ACP3: variants seen among roughly 807,000 people sequenced by gnomAD.
The protein encoded by ACP3 is prostatic acid phosphatase.
Under a neutral mutation model 45.6 loss-of-function variants are expected in ACP3, and 38 were observed. That is an observed-to-expected ratio of 0.83 (90% CI 0.64 to 1.09). The LOEUF is 1.09. Among genes scored for constraint, ACP3 ranks in the 50% least tolerant of loss-of-function variants. The pLI is 0.00. For missense variants in ACP3, 466 were observed against 463.2 expected, an observed-to-expected ratio of 1.01 and a Z score of -0.05; for synonymous variants, 162 against 164.7, an observed-to-expected ratio of 0.98 and a Z score of 0.13.
intron 9 of ACP3, among the ~76,000 whole-genome samples, chr3:132,354,676 A>G (rs1240961116): frequency 6.6e-6 from 1 of 152,196 alleles, no homozygotes; most frequent in African/African-American, 2.4e-5. Context: ...AGTATTTTAG[A>G]TTTTCAACCA....
rs752477546 is a variant in ACP3, at chr3:132,342,600, C to A, written c.604C>A (p.Leu202Ile). 38 of 1,612,390 alleles carry A rather than the reference C, an allele frequency of 2.4e-5. No individual in the cohort carries two copies. Among genetic ancestry groups the A allele is most frequent in the Middle Eastern group, 3.3e-4 (2 of 6,078 alleles). ...GKLSGLHGQD[L>I]FGIWSKVYDP... ...ACTTTCAGGATTACATGGCCAGGAC[C>A]TTTTTGGAATTTGGAGTAAAGTCTA... Residue 202 changes from leucine to isoleucine, a missense_variant, in exon 6 of 10, where the codon CTT (leucine) becomes ATT (isoleucine). Transcript: ENST00000336375.
At position 132,358,290 on chromosome 3, in the gene ACP3, C is replaced by T; in HGVS notation, c.*1412C>T. 1 of 1,115,902 alleles carries T rather than the reference C, an allele frequency of 9.0e-7. No individual in the cohort carries two copies. The allele number at this position is 1,115,902 out of a possible 1,614,324, so 69.1% of individuals were successfully genotyped here. A position where few individuals can be genotyped will look rare whatever the true frequency, so the allele number is the denominator to read the frequency against. On this transcript the variant is annotated 3_prime_UTR_variant, in exon 10 of 10. Transcript: ENST00000336375. ...ACAAAATTAGAAATGTAATTATGTT[C>T]TAAGTGCCTCCAAGTTCAAAACTTA...
rs1937977587 is a variant in ACP3 at position 132,358,793 on chromosome 3, A to ATG, written c.*1925_*1926dup. 3.0e-6 allele frequency: 3 copies of ATG among 985,830 alleles called. No individual in the cohort carries two copies. The highest frequency in any genetic ancestry group is 6.1e-5 in the Admixed American group (1 of 16,282). 61.1% of individuals were successfully genotyped at this position (985,830 alleles called of 1,614,324 possible). Reference sequence around the variant, plus strand: ...TTTTATAATGAACTTAGAAAAACGTATGTGTGTGTGTTTAATTAGAATAAA... The same window carrying ATG: ...TTTTATAATGAACTTAGAAAAACGTATGTGTGTGTGTGTTTAATTAGAATAAA... On this transcript the variant is annotated 3_prime_UTR_variant, in exon 10 of 10. Transcript: ENST00000336375.
exon 11 of ACP3, chr3:132,367,875 G>A: frequency 7.7e-7 from 1 of 1,303,810 alleles, no homozygotes; most frequent in East Asian, 2.3e-5. Flanking sequence ...ATCTCTCAGT[G>A]GTGCCGCATC....
chr3:132,362,542 C>T (rs376300860), downstream of ACP3, among the ~76,000 whole-genome samples: 14 of 152,050 alleles, frequency 9.2e-5, no homozygotes, highest in African/African-American at 1.9e-4. Context: ...GAGGGGTGGA[C>T]GAGGAAATGA....
chr3:132,342,565 C>A lies in ACP3; in HGVS notation c.569C>A (p.Thr190Asn). The A allele has an allele frequency of 6.2e-7, 1 of 1,612,146 alleles. No homozygotes were observed. The highest frequency in any genetic ancestry group is 8.5e-7 in the Non-Finnish European group (1 of 1,179,170). ...RLHPYKDFIA[T>N]LGKLSGLHGQ... ...TTTGTGTTTCAGGATTTTATAGCTACCTTGGGAAAACTTTCAGGATTACAT... is the reference window on the plus strand; with the variant it reads ...TTTGTGTTTCAGGATTTTATAGCTAACTTGGGAAAACTTTCAGGATTACAT... The change falls in exon 6 of 10, where the codon ACC (threonine) becomes AAC (asparagine). Residue 190 changes from threonine to asparagine, a missense_variant. By Grantham distance (65) the Thr-to-Asn change is moderately conservative (BLOSUM62 0). Coordinates refer to ENST00000336375, the MANE Select transcript of ACP3 (RefSeq NM_001099.5).
chr3:132,344,147 G>A (rs1186635168), intron 6 of ACP3, among the ~76,000 whole-genome samples: 3 of 151,880 alleles, frequency 2.0e-5, no homozygotes, highest in Non-Finnish European at 2.9e-5. Flanking sequence ...GTGTGGTGGC[G>A]CATGCCTGTA....
Position 132,337,520 on chromosome 3 carries a change from C to T in ACP3, c.521C>T (p.Ser174Leu). 6.2e-7 allele frequency: 1 copy of T among 1,610,694 alleles called. No homozygotes were observed. The highest frequency in any genetic ancestry group is 8.5e-7 in the Non-Finnish European group (1 of 1,177,280). ...FQELESETLK[S>L]EEFQKRLHPY... is the part of the protein sequence containing the mutation. Reference sequence around the variant, plus strand: ...GAACTTGAGAGTGAGACTTTGAAATCAGAGGAATTCCAGAAGAGGCTGCAC... The same window carrying T: ...GAACTTGAGAGTGAGACTTTGAAATTAGAGGAATTCCAGAAGAGGCTGCAC... The change falls in exon 5 of 10, where the codon TCA becomes TTA. Residue 174 changes from serine (S) to leucine (L), a missense_variant. Ser to Leu is a moderately radical substitution (Grantham distance 145). Transcript: ENST00000336375.
chr3:132,327,520 A>G (rs1201372715), intron 1 of ACP3, among the ~76,000 whole-genome samples: 1 of 150,604 alleles, frequency 6.6e-6, no homozygotes, highest in East Asian at 2.0e-4. Context: ...TCTCGAAAAA[A>G]AAAAAAAAGT....
At position 132,357,089 on chromosome 3, in the gene ACP3, G is replaced by GT. The variant is rs1458569333; in HGVS notation, c.*216dup. ...ATAAAACTTAGCTAAGTTTTGTTTT[G>GT]TTTTTCAGCGTTAATGTAAAGGGGC... On this transcript the variant is annotated 3_prime_UTR_variant, in exon 10 of 10. Coordinates refer to ENST00000336375, the MANE Select transcript of ACP3 (RefSeq NM_001099.5). The GT allele has an allele frequency of 6.9e-6, 9 of 1,295,272 alleles. No individual in the cohort carries two copies. Among genetic ancestry groups the GT allele is most frequent in the African/African-American group, 1.5e-5 (1 of 66,564 alleles). 80.2% of individuals were successfully genotyped at this position (1,295,272 alleles called of 1,614,324 possible).
intron 1 of ACP3, among the ~76,000 whole-genome samples, chr3:132,319,547 AT>A (rs138122966): frequency 0.025 from 3,824 of 152,292 alleles, 149 homozygotes; most frequent in African/African-American, 0.089. Flanking sequence ...ATAGCAAATA[AT>A]TTTTTAGTCC....
intron 10 of ACP3, among the ~76,000 whole-genome samples, chr3:132,366,599 G>A (rs1938136221): frequency 6.6e-6 from 1 of 152,134 alleles, no homozygotes; most frequent in East Asian, 1.9e-4. Context: ...AGCAAATTTG[G>A]TGTGGGGAAT....
At position 132,353,331 on chromosome 3, in the gene ACP3, C is replaced by T. The variant is rs564909823; in HGVS notation, c.968+508C>T. 1.2e-4 allele frequency among the ~76,000 whole-genome samples: 19 copies of T among 152,266 alleles called. No individual in the cohort carries two copies. The South Asian group carries it at 3.3e-3, about 27-fold the overall frequency. On this transcript the variant is annotated intron_variant, in intron 9 of 9. Transcript: ENST00000336375. Reference sequence around the variant, plus strand: ...AACCCATTAGAAGGGTCAAAGTTAGCGTAGCCAAATGTCCCAGTTCACCAG... The same window carrying T: ...AACCCATTAGAAGGGTCAAAGTTAGTGTAGCCAAATGTCCCAGTTCACCAG...
chr3:132,331,926 A>T (rs1937405725), intron 3 of ACP3, among the ~76,000 whole-genome samples, 193 bp downstream of exon 3: 1 of 152,220 alleles, frequency 6.6e-6, no homozygotes, highest in African/African-American at 2.4e-5. Flanking sequence ...GATTTTATGA[A>T]CACCTGAATA....
intron 4 of ACP3, among the ~76,000 whole-genome samples, chr3:132,335,169 G>T (rs991528550): frequency 6.6e-6 from 1 of 152,064 alleles, no homozygotes; most frequent in Non-Finnish European, 1.5e-5. Flanking sequence ...CAATTTGAAA[G>T]CCATGCATGC....
Position 132,358,245 on chromosome 3 carries a change from G to A in ACP3, c.*1367G>A, listed in dbSNP as rs1289592978. 4 of 1,122,318 alleles carry A rather than the reference G, an allele frequency of 3.6e-6. No homozygotes were observed. In the African/African-American group the frequency reaches 4.9e-5, roughly 14 times the overall value. The allele number at this position is 1,122,318 out of a possible 1,614,324, so 69.5% of individuals were successfully genotyped here. A position where few individuals can be genotyped will look rare whatever the true frequency, so the allele number is the denominator to read the frequency against. On this transcript the variant is annotated 3_prime_UTR_variant, in exon 10 of 10. Coordinates refer to ENST00000336375, the MANE Select transcript of ACP3 (RefSeq NM_001099.5). ...TGTCTCTACCAAAAAAAGGAAGGAA[G>A]GGACACATATCAAACTGAAACAAAA...
At chr3:132,334,321 T>C (rs1937454397) in intron 4 of ACP3, among the ~76,000 whole-genome samples, 1 of 152,210 alleles carries the variant, frequency 6.6e-6, no homozygotes, top group African/African-American at 2.4e-5. Context: ...AAAAAAATTC[T>C]CTCATATCAA....
chr3:132,321,887 T>C (rs1381384740), intron 1 of ACP3, among the ~76,000 whole-genome samples: 1 of 152,168 alleles, frequency 6.6e-6, no homozygotes, highest in East Asian at 1.9e-4. Flanking sequence ...ACAACAAAAA[T>C]AATTATAACA....
At chr3:132,343,037 A>T (rs899932588) in intron 6 of ACP3, among the ~76,000 whole-genome samples, 1 of 152,188 alleles carries the variant, frequency 6.6e-6, no homozygotes, top group African/African-American at 2.4e-5. Context: ...TGATTTCCGA[A>T]TGTAGAAATA....
Sources: gnomAD v4.1 joint callset for allele counts (sites outside exome capture counted in the v4.1 genomes callset) on GRCh38, gnomAD v4.1.1 for gene constraint, MANE v1.5 for transcripts, NCBI Gene and HGNC (gene_info 2026-07-23, HGNC 2026-07-21) for gene names.